PCDHA3: variants seen among roughly 807,000 people sequenced by gnomAD.
PCDHA3 encodes the protein protocadherin alpha 3, also known as protocadherin alpha-3.
Under a neutral mutation model 62.2 loss-of-function variants are expected in PCDHA3, and 41 were observed. That is an observed-to-expected ratio of 0.66 (90% CI 0.51 to 0.86). The LOEUF (loss-of-function observed/expected upper bound fraction) is 0.86, where lower values mean the gene tolerates loss of function less well. Ranked by LOEUF, PCDHA3 falls within the 40% of genes least tolerant of loss-of-function variation. The pLI is 0.00. For synonymous variants in PCDHA3, 640 were observed against 555.4 expected (o/e 1.15, Z -2.14); for missense variants, 1,304 against 1,241.2 (o/e 1.05, Z -0.76).
At position 140,947,028 on chromosome 5, in the gene PCDHA3, T is replaced by C. The variant is rs111523441; in HGVS notation, c.2395-31921T>C. Among the ~76,000 whole-genome samples the C allele has an allele frequency of 4.6e-3, 693 of 151,852 alleles. 1 individual carries two copies. Among genetic ancestry groups the C allele is most frequent in the Middle Eastern group, 6.8e-3 (2 of 294 alleles). ...AATGATAAATGTTTGAGGTAATGGA[T>C]ATACTAATTACCCTGATTTGATCAT... On this transcript the variant is annotated intron_variant, in intron 1 of 3. Transcript: ENST00000522353.
At chr5:140,927,063 C>G in intron 1 of PCDHA3, 1 of 1,611,332 alleles carries the variant, frequency 6.2e-7, no homozygotes. Context: ...ACTTTCGCTT[C>G]CTTTCCAGCC....
chr5:140,883,394 G>T, intron 1 of PCDHA3: 2 of 1,614,124 alleles, frequency 1.2e-6, no homozygotes, highest in South Asian at 2.2e-5. Context: ...CAGTGTGTCC[G>T]ATCGTGACTC....
chr5:140,804,713 T>G, intron 1 of PCDHA3: 1 of 173,596 alleles, frequency 5.8e-6, no homozygotes, highest in South Asian at 1.9e-4. Flanking sequence ...AAGGTAGACT[T>G]TTTTCTAATC....
intron 1 of PCDHA3, chr5:140,927,725 C>T (rs782731204): frequency 1.2e-6 from 2 of 1,614,202 alleles, no homozygotes; most frequent in South Asian, 2.2e-5. Flanking sequence ...AGCACGCAAG[C>T]AGAGCTGCGA....
chr5:140,841,199 A>G, intron 1 of PCDHA3: 2 of 1,287,918 alleles, frequency 1.6e-6, no homozygotes, highest in South Asian at 3.0e-5. Flanking sequence ...TTTCTCTGAC[A>G]GCATCTGTCT....
Position 140,801,560 on chromosome 5 carries a change from G to A in PCDHA3, c.363G>A (p.Val121=), listed in dbSNP as rs1762735852. 1 of 1,614,242 alleles carries A rather than the reference G, an allele frequency of 6.2e-7. No homozygotes were observed. The highest frequency in any genetic ancestry group is 8.5e-7 in the Non-Finnish European group (1 of 1,180,048). ...CGCTGCAGGTTTTCCATGTGGAGGT[G>A]GAAGTGAAGGACATTAATGACAACG... ...DRPLQVFHVE[V]EVKDINDNAP... The change falls in exon 1 of 4, where the codon GTG becomes GTA. Residue 121 remains valine, a synonymous_variant. Coordinates refer to ENST00000522353, the MANE Select transcript of PCDHA3 (RefSeq NM_018906.3).
In PCDHA3 at chr5:140,808,939, G is replaced by C. The variant is rs1168359860; in HGVS notation, c.2394+5348G>C. The stretch of plus-strand genomic sequence containing the variant: ...CAGTGAGCGAGCTGGTGCCATGGTC[G>C]GTGGGTGTGGGCCACGTGGTGGCAA... On this transcript the variant is annotated intron_variant, in intron 1 of 3. Coordinates refer to ENST00000522353, the MANE Select transcript of PCDHA3 (RefSeq NM_018906.3). 8 of 1,613,726 alleles carry C rather than the reference G, an allele frequency of 5.0e-6. 1 individual carries two copies. In the South Asian group the frequency reaches 5.5e-5, roughly 11 times the overall value.
At chr5:140,808,867 C>A (rs782544974) in intron 1 of PCDHA3, 1 of 1,613,062 alleles carries the variant, frequency 6.2e-7, no homozygotes, top group Admixed American at 1.7e-5. Context: ...ACGAAAACGA[C>A]AACGCGCCAG....
At chr5:140,841,784 G>C in intron 1 of PCDHA3, 4 of 1,613,930 alleles carry the variant, frequency 2.5e-6, no homozygotes, top group African/African-American at 1.3e-5. Flanking sequence ...GTTTCCGCTA[G>C]AGGGCGCGTC....
At chr5:141,001,977 A>T (rs527826696) in intron 3 of PCDHA3, among the ~76,000 whole-genome samples, 1 of 152,246 alleles carries the variant, frequency 6.6e-6, no homozygotes, top group South Asian at 2.1e-4. Flanking sequence ...CTCTGCGCGG[A>T]AAGCCTGGAA....
In PCDHA3 at chr5:140,851,314, CTTG is replaced by C. The variant is rs1205555988; in HGVS notation, c.2394+47726_2394+47728del. On this transcript the variant is annotated intron_variant, in intron 1 of 3. Coordinates refer to ENST00000522353, the MANE Select transcript of PCDHA3 (RefSeq NM_018906.3). ...AGCAAAAATATATAGCAATTGTTACCTTGTTAAGTTTGTAGTTCTCTACATTTC... is the reference window on the plus strand; with the variant it reads ...AGCAAAAATATATAGCAATTGTTACCTTAAGTTTGTAGTTCTCTACATTTC... 1.1e-5 allele frequency: 11 copies of C among 997,988 alleles called. 1 individual carries two copies. The South Asian group carries it at 3.6e-4, about 33-fold the overall frequency. The allele number at this position is 997,988 out of a possible 1,614,324, so 61.8% of individuals were successfully genotyped here.
intron 3 of PCDHA3, among the ~76,000 whole-genome samples, chr5:141,000,421 ATTTTTTTT>A (rs34755515): frequency 1.4e-4 from 4 of 27,978 alleles, no homozygotes; most frequent in African/African-American, 7.1e-4. Flanking sequence ...ATATATATAT[ATTTTTTTT>A]TTTTTTTTTT....
At chr5:140,936,959 A>C (rs2091230080) in intron 1 of PCDHA3, among the ~76,000 whole-genome samples, 1 of 152,174 alleles carries the variant, frequency 6.6e-6, no homozygotes, top group Non-Finnish European at 1.5e-5. Flanking sequence ...TCTTTATTGA[A>C]TCTATAAAAA....
Position 140,857,347 on chromosome 5 carries a change from G to T in PCDHA3, c.2394+53756G>T, listed in dbSNP as rs781930086. 8.1e-6 allele frequency: 13 copies of T among 1,598,236 alleles called. No homozygotes were observed. The African/African-American group carries it at 1.1e-4, about 13-fold the overall frequency. On this transcript the variant is annotated intron_variant, in intron 1 of 3. Coordinates refer to ENST00000522353, the MANE Select transcript of PCDHA3 (RefSeq NM_018906.3). The stretch of plus-strand genomic sequence containing the variant: ...CCGCGCGGGACGGGGGCTCGCCTCC[G>T]CTGTGGGCCACGGCCAGCGTGTCTG...
intron 1 of PCDHA3, chr5:140,809,622 C>T: frequency 6.6e-7 from 1 of 1,509,540 alleles, no homozygotes; most frequent in Non-Finnish European, 8.9e-7. Context: ...TTTTCTCTAT[C>T]AACTTCTTCG....
chr5:140,854,133 G>A (rs1220974907), intron 1 of PCDHA3: 1 of 410,736 alleles, frequency 2.4e-6, no homozygotes, highest in Non-Finnish European at 3.2e-6. Flanking sequence ...CTGCATTTCA[G>A]CCCGGGTGAC....
At chr5:140,830,050 C>A (rs1770777643) in intron 1 of PCDHA3, 1 of 1,613,786 alleles carries the variant, frequency 6.2e-7, no homozygotes, top group Non-Finnish European at 8.5e-7. Flanking sequence ...TGGTGAAAGA[C>A]CACGGTGAGC....
intron 1 of PCDHA3, among the ~76,000 whole-genome samples, chr5:140,947,315 C>CGGTT (rs1443576978): frequency 4.0e-5 from 6 of 151,444 alleles, no homozygotes; most frequent in African/African-American, 1.5e-4. Flanking sequence ...TGTAAAAAGT[C>CGGTT]GGTTGACCAT....
intron 1 of PCDHA3, chr5:140,848,760 C>T (rs2150419620): frequency 6.3e-7 from 1 of 1,593,332 alleles, no homozygotes; most frequent in South Asian, 1.1e-5. Context: ...TGTGAATTCT[C>T]GGATCGACCG....
Sources: allele counts gnomAD v4.1 joint callset (sites outside exome capture counted in the v4.1 genomes callset), GRCh38; gene constraint gnomAD v4.1.1; transcripts MANE v1.5; gene names NCBI Gene and HGNC (gene_info 2026-07-23, HGNC 2026-07-21).